The following WDR27 variants were observed in gnomAD, a reference collection of about 807,000 sequenced individuals.
WDR27 encodes WD repeat-containing protein 27.
WDR27 carries 100 observed loss-of-function variants against 114.4 expected under a neutral mutation model. The ratio of observed to expected loss-of-function variants is 0.87; its 90% CI spans 0.74 to 1.03. WDR27 has a LOEUF of 1.03. Among genes scored for constraint, WDR27 ranks in the 50% least tolerant of loss-of-function variants. WDR27 has a pLI of 0.00. For missense variants in WDR27, 1,129 were observed against 1,092.9 expected, an observed-to-expected ratio of 1.03 and a Z score of -0.47; for synonymous variants, 449 against 423.1, an observed-to-expected ratio of 1.06 and a Z score of -0.75.
intron 25 of WDR27, among the ~76,000 whole-genome samples, chr6:169,519,104 A>T (rs192028300): frequency 6.6e-6 from 1 of 152,194 alleles, no homozygotes. Context: ...ATCAGCCTTC[A>T]CTGTCCATAG....
At chr6:169,459,577 A>C (rs1482176662) in intron 25 of WDR27, among the ~76,000 whole-genome samples, 1 of 151,842 alleles carries the variant, frequency 6.6e-6, no homozygotes, top group Non-Finnish European at 1.5e-5. Flanking sequence ...ATACATATAA[A>C]TGTATATCCA....
intron 22 of WDR27, among the ~76,000 whole-genome samples, chr6:169,606,019 G>GA (rs1809096029): frequency 6.6e-6 from 1 of 152,014 alleles, no homozygotes; most frequent in Non-Finnish European, 1.5e-5. Flanking sequence ...AGAAATTCTA[G>GA]AAAAAACACT....
chr6:169,694,260 G>A (rs1338391817), intron 1 of WDR27, among the ~76,000 whole-genome samples: 2 of 152,148 alleles, frequency 1.3e-5, no homozygotes, highest in African/African-American at 2.4e-5. Context: ...GCAGTGAGCC[G>A]AGATTGCGCT....
At chr6:169,654,529 C>T (rs1416057269) in intron 13 of WDR27, among the ~76,000 whole-genome samples, 1 of 152,206 alleles carries the variant, frequency 6.6e-6, no homozygotes, top group Admixed American at 6.5e-5. Flanking sequence ...ACCTCTGTAT[C>T]GTCACTGGTT....
intron 13 of WDR27, among the ~76,000 whole-genome samples, chr6:169,656,979 C>A (rs1824384575): frequency 6.6e-6 from 1 of 152,178 alleles, no homozygotes; most frequent in South Asian, 2.1e-4. Flanking sequence ...GGCCTTCATT[C>A]TCACAATTTC....
intron 21 of WDR27, among the ~76,000 whole-genome samples, chr6:169,626,178 C>CG (rs1183602462): frequency 6.6e-6 from 1 of 152,158 alleles, no homozygotes; most frequent in Non-Finnish European, 1.5e-5. Context: ...GACAAGCCCG[C>CG]GGGGACAGCT....
intron 21 of WDR27, among the ~76,000 whole-genome samples, chr6:169,626,984 G>C (rs1815020215): frequency 6.6e-6 from 1 of 152,140 alleles, no homozygotes; most frequent in Admixed American, 6.5e-5. Context: ...CCCTTCTCCT[G>C]ACAGCACATT....
intron 25 of WDR27, among the ~76,000 whole-genome samples, chr6:169,471,696 C>A (rs550357906): frequency 6.6e-6 from 1 of 152,318 alleles, no homozygotes; most frequent in Non-Finnish European, 1.5e-5. Context: ...TTTCTTCTTT[C>A]GTAAGACATT....
chr6:169,700,297 T>C lies in WDR27; in HGVS notation c.-8+1254A>G, dbSNP rs1232649417. Among the ~76,000 whole-genome samples the C allele has an allele frequency of 3.3e-5, 5 of 152,330 alleles. No individual in the cohort carries two copies. The East Asian group carries it at 5.8e-4, about 18-fold the overall frequency. On this transcript the variant is annotated intron_variant, in intron 1 of 25. Coordinates refer to ENST00000448612, the MANE Select transcript of WDR27 (RefSeq NM_182552.5). The stretch of plus-strand genomic sequence containing the variant: ...ATGTTCTGTGTTGCACTAGGCACCT[T>C]GACAAAGTGTCCCCCTTGGGGTGGG...
In WDR27 at chr6:169,588,329, T is replaced by C. The variant is rs76775666; in HGVS notation, c.2425-5395A>G. Among the ~76,000 whole-genome samples the C allele has an allele frequency of 5.7e-3, 864 of 152,330 alleles. 7 individuals carry two copies. Among genetic ancestry groups the C allele is most frequent in the East Asian group, 0.033 (169 of 5,182 alleles). On this transcript the variant is annotated intron_variant, in intron 23 of 25. Coordinates refer to ENST00000448612, the MANE Select transcript of WDR27 (RefSeq NM_182552.5). ...TGCATACATTCTAATAAATTTTAAC[T>C]TTTTAAAAAGATGTGTGTATATTTT...
At chr6:169,604,530 A>G (rs559104044) in intron 22 of WDR27, among the ~76,000 whole-genome samples, 1 of 152,292 alleles carries the variant, frequency 6.6e-6, no homozygotes, top group South Asian at 2.1e-4. Flanking sequence ...CATATAAAGA[A>G]GAACTACTAT....
intron 25 of WDR27, among the ~76,000 whole-genome samples, chr6:169,474,679 A>G (rs541962554): frequency 4.3e-4 from 63 of 145,112 alleles, no homozygotes; most frequent in Non-Finnish European, 8.7e-4. Context: ...TTCTACAATT[A>G]AAAAAAAACA....
chr6:169,672,299 A>C lies in WDR27; in HGVS notation c.287T>G (p.Val96Gly). 6.2e-7 allele frequency: 1 copy of C among 1,613,774 alleles called. No individual in the cohort carries two copies. Among genetic ancestry groups the C allele is most frequent in the Non-Finnish European group, 8.5e-7 (1 of 1,179,754 alleles). The change falls in exon 3 of 26, where the codon GTT becomes GGT. Residue 96 changes from valine to glycine, a missense_variant. Val to Gly is a moderately radical substitution (Grantham distance 109, BLOSUM62 -3). Transcript: ENST00000448612. ...ACATTCATCCAGGTTCCACATTATA[A>C]CATAATCCAGTGATGCTGAGCAGAT... Reference protein sequence around the residue: ...LLICSASLDYVIMWNLDECRE... With the variant: ...LLICSASLDYGIMWNLDECRE...
intron 8 of WDR27, among the ~76,000 whole-genome samples, chr6:169,662,976 A>G (rs570962899): frequency 6.7e-6 from 1 of 150,044 alleles, no homozygotes; most frequent in South Asian, 2.1e-4. Flanking sequence ...AACACCCAGC[A>G]TGACGCGTGT....
chr6:169,569,656 A>G (rs945322034), intron 25 of WDR27, among the ~76,000 whole-genome samples: 1 of 152,196 alleles, frequency 6.6e-6, no homozygotes, highest in Non-Finnish European at 1.5e-5. Flanking sequence ...CACAAGTCCA[A>G]GGTCAATACA....
chr6:169,518,119 A>G (rs1465913478), intron 25 of WDR27, among the ~76,000 whole-genome samples: 5 of 152,200 alleles, frequency 3.3e-5, no homozygotes, highest in African/African-American at 4.8e-5. Context: ...TTCAGACCCA[A>G]TGGCTGCTCT....
intron 16 of WDR27, among the ~76,000 whole-genome samples, chr6:169,644,157 G>A (rs1167932470): frequency 6.7e-6 from 1 of 149,538 alleles, no homozygotes; most frequent in Non-Finnish European, 1.5e-5. Context: ...GAGTCACACT[G>A]TAGAAAAGCC....
At position 169,690,185 on chromosome 6, in the gene WDR27, A is replaced by G. The variant is rs1470099939; in HGVS notation, c.-7-1173T>C. Among the ~76,000 whole-genome samples the G allele has an allele frequency of 4.8e-3, 428 of 88,252 alleles. No homozygotes were observed. The Middle Eastern group carries it at 0.051, about 11-fold the overall frequency. 57.9% of individuals were successfully genotyped at this position (88,252 alleles called of 152,430 possible). A position where few individuals can be genotyped will look rare whatever the true frequency, so the allele number is the denominator to read the frequency against. On this transcript the variant is annotated intron_variant, in intron 1 of 25. Transcript: ENST00000448612. ...CCCATTAGGCCCTCATGCTGGTCAT[A>G]TGGATTCAGAGGATCCACCCATGAG... is the stretch of plus-strand genomic sequence containing the variant.
intron 2 of WDR27, among the ~76,000 whole-genome samples, chr6:169,683,414 G>A (rs1486272462): frequency 6.6e-6 from 1 of 151,976 alleles, no homozygotes; most frequent in East Asian, 1.9e-4. Flanking sequence ...GATATATTCA[G>A]GGAAAGAAAA....
Sources: gnomAD v4.1 joint callset for allele counts (sites outside exome capture counted in the v4.1 genomes callset) on GRCh38, gnomAD v4.1.1 for gene constraint, MANE v1.5 for transcripts, NCBI Gene and HGNC (gene_info 2026-07-23, HGNC 2026-07-21) for gene names.